Variants in MPPE1 observed in about 807,000 individuals in gnomAD.
The protein encoded by MPPE1 is metallophosphoesterase 1.
In MPPE1, 28 loss-of-function variants were observed where a neutral mutation model predicts 43.8. The observed-to-expected ratio is 0.64, with a 90% CI of 0.47 to 0.88. The LOEUF is 0.88. Among genes scored for constraint, MPPE1 ranks in the 40% least tolerant of loss-of-function variants. The pLI is 0.00. For missense variants in MPPE1, 428 were observed against 492.2 expected (o/e 0.87, Z 1.23); for synonymous variants, 159 against 188.5 (o/e 0.84, Z 1.28).
intron 2 of MPPE1, 128 bp downstream of exon 2, chr18:11,906,075 A>G (rs556883719): frequency 6.6e-6 from 1 of 152,328 alleles, no homozygotes; most frequent in East Asian, 1.9e-4. Flanking sequence ...ATCAAACGAT[A>G]ACCCAGCAGG....
intron 6 of MPPE1, among the ~76,000 whole-genome samples, chr18:11,887,381 T>C (rs1247734865): frequency 6.6e-6 from 1 of 152,088 alleles, no homozygotes; most frequent in Non-Finnish European, 1.5e-5. Flanking sequence ...GCCCACCCCA[T>C]CAGCTGGTTG....
Position 11,883,657 on chromosome 18 carries a change from G to A in MPPE1, c.*788C>T, listed in dbSNP as rs1045712875. 3.3e-5 allele frequency: 5 copies of A among 152,820 alleles called. No individual in the cohort carries two copies. Among genetic ancestry groups the A allele is most frequent in the South Asian group, 4.2e-4 (2 of 4,808 alleles). 9.5% of individuals were successfully genotyped at this position (152,820 alleles called of 1,614,324 possible). On this transcript the variant is annotated 3_prime_UTR_variant, in exon 11 of 11. Transcript: ENST00000588072. ...TAATTGATCAAGTATAAAAATCTACGAAAACAATATGTTCTGCACATCACA... is the reference window on the plus strand; with the variant it reads ...TAATTGATCAAGTATAAAAATCTACAAAAACAATATGTTCTGCACATCACA...
In MPPE1 at chr18:11,889,479, A is replaced by T. The variant is rs759347813; in HGVS notation, c.402T>A (p.Asp134Glu). 4.3e-6 allele frequency: 7 copies of T among 1,612,954 alleles called. No individual in the cohort carries two copies. Among genetic ancestry groups the T allele is most frequent in the Non-Finnish European group, 5.9e-6 (7 of 1,179,442 alleles). Reference sequence around the variant, plus strand: ...ACATTTTCTGAAACCGCTCCACATCATCCGCCCAGGCCTGAGGGAAAAAGA... The same window carrying T: ...ACATTTTCTGAAACCGCTCCACATCTTCCGCCCAGGCCTGAGGGAAAAAGA... ...GKWSTPEAWA[D>E]DVERFQKMFR... Residue 134 changes from aspartate to glutamate, a missense_variant, in exon 5 of 11, where the codon GAT (aspartate) becomes GAA (glutamate). Physicochemically the swap from Asp to Glu is conservative, Grantham distance 45. Around this residue, in one of 3 missense-constraint regions of MPPE1, gnomAD observed 379 missense variants for 402.5 expected, o/e 0.94. Transcript: ENST00000588072.
chr18:11,889,384 T>C lies in MPPE1; in HGVS notation c.494+3A>G, dbSNP rs1205787993. On this transcript the variant is annotated splice_donor_region_variant and intron_variant, in intron 5 of 10. Transcript: ENST00000588072. ...GGGTGCAGGGCTTTTGTGAACTACT[T>C]ACTCATAATGGAAGCCAATGTCATG... is the stretch of plus-strand genomic sequence containing the variant. The C allele has an allele frequency of 1.3e-6, 2 of 1,592,856 alleles. No individual in the cohort carries two copies. The highest frequency in any genetic ancestry group is 1.7e-6 in the Non-Finnish European group (2 of 1,162,978).
chr18:11,905,760 C>A (rs2039659033), intron 2 of MPPE1: 1 of 152,224 alleles, frequency 6.6e-6, no homozygotes, highest in Non-Finnish European at 1.5e-5. Flanking sequence ...AAAGAGGAAA[C>A]CGTGAGAGCT....
chr18:11,886,656 T>C lies in MPPE1; in HGVS notation c.745-35A>G. ...GTGGAGAGAGGAGTTCAGGCGGCTA[T>C]CGTGAAACCACAGGCTGCCTGCTGT... On this transcript the variant is annotated intron_variant, in intron 8 of 10. Coordinates refer to ENST00000588072, the MANE Select transcript of MPPE1 (RefSeq NM_023075.6). This position sits in a 1 kb window ranked among gnomAD's most constrained non-coding sequence, Gnocchi z 4.1. 2 of 1,614,078 alleles carry C rather than the reference T, an allele frequency of 1.2e-6. No homozygotes were observed. Among genetic ancestry groups the C allele is most frequent in the Non-Finnish European group, 1.7e-6 (2 of 1,180,038 alleles).
At chr18:11,889,160 A>ATC (rs1218098576) in intron 5 of MPPE1, among the ~76,000 whole-genome samples, 1 of 152,204 alleles carries the variant, frequency 6.6e-6, no homozygotes, top group African/African-American at 2.4e-5. Flanking sequence ...TTCAAGTTAG[A>ATC]TGTTTCCCAA....
rs1460056510 is a variant in MPPE1 at position 11,895,529 on chromosome 18, CTTATT to C, written c.281+1450_281+1454del. On this transcript the variant is annotated intron_variant, in intron 3 of 10. Transcript: ENST00000588072. Reference sequence around the variant, plus strand: ...TCTCAAAATACATTTCTCCGTTTTTCTTATTTTATTTTACTTTTTTTTTTTTAGAG... The same window carrying C: ...TCTCAAAATACATTTCTCCGTTTTTCTTATTTTACTTTTTTTTTTTTAGAG... Among the ~76,000 whole-genome samples the C allele has an allele frequency of 9.6e-5, 14 of 145,246 alleles. No homozygotes were observed. In the South Asian group the frequency reaches 1.3e-3, roughly 14 times the overall value.
chr18:11,897,318 C>T lies in MPPE1; in HGVS notation c.-54G>A. 1.1e-6 allele frequency: 1 copy of T among 936,572 alleles called. No homozygotes were observed. Among genetic ancestry groups the T allele is most frequent in the Middle Eastern group, 2.3e-4 (1 of 4,424 alleles). 58.0% of individuals were successfully genotyped at this position (936,572 alleles called of 1,614,324 possible). On this transcript the variant is annotated 5_prime_UTR_variant, in exon 3 of 11. Coordinates refer to ENST00000588072, the MANE Select transcript of MPPE1 (RefSeq NM_023075.6). Reference sequence around the variant, plus strand: ...GTTCACCACGAGAAAACTGCAGAGCCCTGGGGAGGGTGATGGCATTCAGGT... The same window carrying T: ...GTTCACCACGAGAAAACTGCAGAGCTCTGGGGAGGGTGATGGCATTCAGGT...
chr18:11,884,420 T>A lies in MPPE1; in HGVS notation c.*25A>T. The A allele has an allele frequency of 6.2e-7, 1 of 1,606,644 alleles. No individual in the cohort carries two copies. Among genetic ancestry groups the A allele is most frequent in the East Asian group, 2.2e-5 (1 of 44,718 alleles). On this transcript the variant is annotated 3_prime_UTR_variant, in exon 11 of 11. Transcript: ENST00000588072. ...GCCCAAAGTTCCATTTCTTGGGCTT[T>A]GATATTTATAATGGCGCCTGCTCTT...
Position 11,886,162 on chromosome 18 carries a change from A to G in MPPE1, c.867+337T>C. 1 of 247,362 alleles carries G rather than the reference A, an allele frequency of 4.0e-6. No individual in the cohort carries two copies. Among genetic ancestry groups the G allele is most frequent in the Non-Finnish European group, 7.8e-6 (1 of 128,160 alleles). The allele number at this position is 247,362 out of a possible 1,614,324, so 15.3% of individuals were successfully genotyped here. A position where few individuals can be genotyped will look rare whatever the true frequency, so the allele number is the denominator to read the frequency against. ...AATCTATATAAGAAAATGCATTTTAATTTTAATTAAGTCCCTAAAAAATTG... is the reference window on the plus strand; with the variant it reads ...AATCTATATAAGAAAATGCATTTTAGTTTTAATTAAGTCCCTAAAAAATTG... On this transcript the variant is annotated intron_variant, in intron 9 of 10. Transcript: ENST00000588072. This position sits in a 1 kb window ranked among gnomAD's most constrained non-coding sequence, Gnocchi z 4.1.
chr18:11,883,414 T>G lies in MPPE1; in HGVS notation c.*1031A>C, dbSNP rs1238064651. On this transcript the variant is annotated 3_prime_UTR_variant, in exon 11 of 11. Transcript: ENST00000588072. ...TTACCCTCTAACTAAACATCCTGTT[T>G]AAGAGTTTAATTCAAACAACAGCCA... The G allele has an allele frequency of 6.5e-6, 1 of 153,240 alleles. No individual in the cohort carries two copies. Among genetic ancestry groups the G allele is most frequent in the African/African-American group, 2.4e-5 (1 of 41,370 alleles). 9.5% of individuals were successfully genotyped at this position (153,240 alleles called of 1,614,324 possible).
intron 2 of MPPE1, among the ~76,000 whole-genome samples, chr18:11,898,420 C>G (rs1312814507): frequency 2.0e-5 from 3 of 151,882 alleles, no homozygotes; most frequent in Non-Finnish European, 4.4e-5. Context: ...AGTCTACTCC[C>G]TGTTCTGAGG....
intron 3 of MPPE1, among the ~76,000 whole-genome samples, chr18:11,894,833 A>G (rs961104203): frequency 6.6e-6 from 1 of 151,156 alleles, no homozygotes; most frequent in Admixed American, 6.6e-5. Flanking sequence ...CTGGTGATCC[A>G]CCCGCCTCAG....
intron 2 of MPPE1, chr18:11,905,840 G>C (rs1235151702): frequency 5.3e-5 from 8 of 152,190 alleles, no homozygotes; most frequent in Non-Finnish European, 1.2e-4. Flanking sequence ...CACCAGCAGA[G>C]AGGGCAGCTA....
chr18:11,906,558 C>G (rs1345362985), intron 1 of MPPE1, among the ~76,000 whole-genome samples: 1 of 152,070 alleles, frequency 6.6e-6, no homozygotes, highest in Admixed American at 6.6e-5. Context: ...AATTGGGAGC[C>G]AAATATTTTA....
intron 4 of MPPE1, among the ~76,000 whole-genome samples, chr18:11,889,983 C>CT (rs2037790704): frequency 6.6e-6 from 1 of 150,414 alleles, no homozygotes; most frequent in African/African-American, 2.5e-5. Context: ...CGCTCTGTTG[C>CT]CCAGGCTGGA....
At chr18:11,897,500 G>A (rs2038727797) in intron 2 of MPPE1, 144 bp from the exon 3 acceptor site, 2 of 475,064 alleles carry the variant, frequency 4.2e-6, no homozygotes, top group Admixed American at 3.8e-5. Context: ...TAATATGCCA[G>A]ATTACTAATA....
intron 4 of MPPE1, among the ~76,000 whole-genome samples, chr18:11,892,151 G>A: frequency 6.7e-6 from 1 of 149,378 alleles, no homozygotes; most frequent in East Asian, 2.1e-4. Context: ...ACCAGCCTGG[G>A]CAACACAGTG....
Sources: allele counts gnomAD v4.1 joint callset (sites outside exome capture counted in the v4.1 genomes callset), GRCh38; gene constraint gnomAD v4.1.1; regional missense constraint gnomAD v4.1.1; non-coding constraint Gnocchi (gnomAD v3.1); transcripts MANE v1.5; gene names NCBI Gene and HGNC (gene_info 2026-07-23, HGNC 2026-07-21).